MRPL9: variants seen among roughly 807,000 people sequenced by gnomAD.
The protein encoded by MRPL9 is large ribosomal subunit protein bL9m.
Under a neutral mutation model 27.6 loss-of-function variants are expected in MRPL9, and 25 were observed. The observed-to-expected ratio is 0.91, with a 90% CI of 0.66 to 1.27. The LOEUF (loss-of-function observed/expected upper bound fraction) is 1.27. MRPL9 is among the 50% of genes most tolerant of loss of function. MRPL9 has a pLI of 0.00. For missense variants in MRPL9, 362 were observed against 338.0 expected (o/e 1.07, Z -0.56); for synonymous variants, 154 against 139.0 (o/e 1.11, Z -0.76).
Position 151,762,984 on chromosome 1 carries a change from C to A in MRPL9, c.310+6G>T. 1.2e-6 allele frequency: 2 copies of A among 1,613,794 alleles called. No individual in the cohort carries two copies. Among genetic ancestry groups the A allele is most frequent in the Non-Finnish European group, 1.7e-6 (2 of 1,179,792 alleles). On this transcript the variant is annotated splice_donor_region_variant and intron_variant, in intron 2 of 6. Coordinates refer to ENST00000368830, the MANE Select transcript of MRPL9 (RefSeq NM_031420.4). ...CTGAGAGGAAGCGCCTCGGCCCGGGCCTTACTCTCCACCGACTGCGTCAGG... is the reference window on the plus strand; with the variant it reads ...CTGAGAGGAAGCGCCTCGGCCCGGGACTTACTCTCCACCGACTGCGTCAGG...
rs947062489 is a variant in MRPL9, at chr1:151,763,104, C to G, written c.196G>C (p.Gly66Arg). The G allele has an allele frequency of 3.1e-6, 5 of 1,614,046 alleles. No homozygotes were observed. The highest frequency in any genetic ancestry group is 4.2e-6 in the Non-Finnish European group (5 of 1,179,984). Reference protein sequence around the residue: ...VERWWKVPLAGEGRKPRLHRR... With the variant: ...VERWWKVPLAREGRKPRLHRR... ...TGCAGGCGCGGCTTCCGGCCCTCCC[C>G]GGCCAGCGGTACCTTCCACCAGCGC... Residue 66 changes from glycine to arginine, a missense_variant, in exon 2 of 7, where the codon GGG becomes CGG. Gly to Arg is a moderately radical substitution (Grantham distance 125). Transcript: ENST00000368830.
At chr1:151,760,318 C>T in intron 6 of MRPL9, 137 bp from the exon 7 acceptor site, 2 of 1,114,898 alleles carry the variant, frequency 1.8e-6, no homozygotes, top group East Asian at 2.6e-5. Flanking sequence ...TGGCTTATGC[C>T]TGTAATCCCA....
chr1:151,761,075 CG>C (rs1553276998), intron 5 of MRPL9, among the ~76,000 whole-genome samples, 176 bp from the exon 6 acceptor site: 1 of 152,054 alleles, frequency 6.6e-6, no homozygotes, highest in Non-Finnish European at 1.5e-5. Context: ...CCTTCATAGA[CG>C]GTAGTAGAGA....
intron 5 of MRPL9, 76 bp downstream of exon 5, chr1:151,761,375 G>C: frequency 2.0e-6 from 2 of 996,596 alleles, no homozygotes; most frequent in Non-Finnish European, 3.2e-6. Context: ...CCTAACAAAG[G>C]GATCAATCCC....
chr1:151,762,776 A>G (rs1648159413), intron 2 of MRPL9: 1 of 693,992 alleles, frequency 1.4e-6, no homozygotes, highest in South Asian at 1.9e-5. Context: ...CTCCCCACAC[A>G]CTGTTAATGA....
Position 151,760,847 on chromosome 1 carries a change from G to A in MRPL9, c.641C>T (p.Thr214Ile), listed in dbSNP as rs1648030361. The A allele has an allele frequency of 1.9e-6, 3 of 1,584,158 alleles. No homozygotes were observed. Among genetic ancestry groups the A allele is most frequent in the South Asian group, 1.1e-5 (1 of 88,926 alleles). ...CTCACACCAATACTCGCCCCACCGT[G>A]TGATAGGCTCTTCTGGTAACTTTAA... is the stretch of plus-strand genomic sequence containing the variant. The part of the protein sequence containing the change: ...HTLKLPEEPI[T>I]RWGEYWCEVT... The change falls in exon 6 of 7, where the codon ACA (threonine) becomes ATA (isoleucine). Residue 214 changes from threonine to isoleucine, a missense_variant. Thr to Ile is a moderately conservative substitution (Grantham distance 89). Coordinates refer to ENST00000368830, the MANE Select transcript of MRPL9 (RefSeq NM_031420.4).
rs777547766 is a variant in MRPL9, at chr1:151,760,843, C to A, written c.645G>T (p.Arg215=). ...TCACCTCACACCAATACTCGCCCCACCGTGTGATAGGCTCTTCTGGTAACT... is the reference window on the plus strand; with the variant it reads ...TCACCTCACACCAATACTCGCCCCAACGTGTGATAGGCTCTTCTGGTAACT... ...TLKLPEEPIT[R]WGEYWCEVTV... Residue 215 remains arginine, a synonymous_variant, in exon 6 of 7, where the codon CGG becomes CGT. Coordinates refer to ENST00000368830, the MANE Select transcript of MRPL9 (RefSeq NM_031420.4). 3 of 1,593,376 alleles carry A rather than the reference C, an allele frequency of 1.9e-6. No individual in the cohort carries two copies. In the African/African-American group the frequency reaches 4.2e-5, roughly 22 times the overall value.
Position 151,763,105 on chromosome 1 carries a change from G to T in MRPL9, c.195C>A (p.Ala65=). ...GCAGGCGCGGCTTCCGGCCCTCCCCGGCCAGCGGTACCTTCCACCAGCGCT... is the reference window on the plus strand; with the variant it reads ...GCAGGCGCGGCTTCCGGCCCTCCCCTGCCAGCGGTACCTTCCACCAGCGCT... ...IVERWWKVPL[A]GEGRKPRLHR... The change falls in exon 2 of 7, where the codon GCC becomes GCA. Residue 65 remains alanine (A), a synonymous_variant. Coordinates refer to ENST00000368830, the MANE Select transcript of MRPL9 (RefSeq NM_031420.4). 6.2e-7 allele frequency: 1 copy of T among 1,613,798 alleles called. No individual in the cohort carries two copies. The highest frequency in any genetic ancestry group is 8.5e-7 in the Non-Finnish European group (1 of 1,179,918).
chr1:151,763,404 C>G lies in MRPL9; in HGVS notation c.76G>C (p.Val26Leu). The change falls in exon 1 of 7, where the codon GTC becomes CTC. Residue 26 changes from valine (V) to leucine (L), a missense_variant. Transcript: ENST00000368830. ...AGAGRLLRGGVQELLRPRHEG... is the reference protein window; with the variant it reads ...AGAGRLLRGGLQELLRPRHEG... Reference sequence around the variant, plus strand: ...TGTCGCGGCCGCAGTAGCTCCTGGACGCCTCCCCGAAGCAGCCGTCCAGCG... The same window carrying G: ...TGTCGCGGCCGCAGTAGCTCCTGGAGGCCTCCCCGAAGCAGCCGTCCAGCG... 1 of 1,565,448 alleles carries G rather than the reference C, an allele frequency of 6.4e-7. No individual in the cohort carries two copies.
At position 151,759,900 on chromosome 1, in the gene MRPL9, A is replaced by C. The variant is rs1355605703; in HGVS notation, c.*150T>G. 9.7e-7 allele frequency: 1 copy of C among 1,028,966 alleles called. No individual in the cohort carries two copies. Among genetic ancestry groups the C allele is most frequent in the African/African-American group, 1.7e-5 (1 of 60,476 alleles). 63.7% of individuals were successfully genotyped at this position (1,028,966 alleles called of 1,614,324 possible). ...CAGTTAAAGATGGCAAAAATGAAGA[A>C]TTCAACATGTATACGCAGTGCAGTC... is the stretch of plus-strand genomic sequence containing the variant. On this transcript the variant is annotated 3_prime_UTR_variant, in exon 7 of 7. Transcript: ENST00000368830.
intron 1 of MRPL9, 37 bp downstream of exon 1, chr1:151,763,290 G>A: frequency 6.4e-7 from 1 of 1,572,320 alleles, no homozygotes. Flanking sequence ...AACAATACTC[G>A]AGCGTATCTA....
chr1:151,759,888 C>T lies in MRPL9; in HGVS notation c.*162G>A, dbSNP rs1647981859. On this transcript the variant is annotated 3_prime_UTR_variant, in exon 7 of 7. Transcript: ENST00000368830. ...CCCCAGTGATGACAGTTAAAGATGG[C>T]AAAAATGAAGAATTCAACATGTATA... 2 of 943,398 alleles carry T rather than the reference C, an allele frequency of 2.1e-6. No homozygotes were observed. The highest frequency in any genetic ancestry group is 2.1e-5 in the South Asian group (1 of 46,926). The allele number at this position is 943,398 out of a possible 1,614,324, so 58.4% of individuals were successfully genotyped here.
At chr1:151,762,942 T>C (rs377393177) in intron 2 of MRPL9, 48 bp downstream of exon 2, 2 of 1,593,418 alleles carry the variant, frequency 1.3e-6, no homozygotes, top group Non-Finnish European at 1.7e-6. Flanking sequence ...AAAAAGCTGA[T>C]GCCAAACCGG....
chr1:151,761,681 T>G (rs1648091436), intron 4 of MRPL9, 129 bp from the exon 5 acceptor site: 1 of 659,552 alleles, frequency 1.5e-6, no homozygotes, highest in Non-Finnish European at 2.6e-6. Flanking sequence ...TCTCCCAAAG[T>G]GGGTCACTTC....
At position 151,760,878 on chromosome 1, in the gene MRPL9, G is replaced by C; in HGVS notation, c.610C>G (p.His204Asp). The C allele has an allele frequency of 6.5e-7, 1 of 1,542,012 alleles. No individual in the cohort carries two copies. Among genetic ancestry groups the C allele is most frequent in the Non-Finnish European group, 8.8e-7 (1 of 1,140,430 alleles). Residue 204 changes from histidine (H) to aspartate (D), a missense_variant, in exon 6 of 7, where the codon CAT (histidine) becomes GAT (aspartate). His to Asp is a moderately conservative substitution (Grantham distance 81). Coordinates refer to ENST00000368830, the MANE Select transcript of MRPL9 (RefSeq NM_031420.4). Reference sequence around the variant, plus strand: ...GGCTCTTCTGGTAACTTTAATGTATGTGGGGCAACCACAACACCAAGCTGC... The same window carrying C: ...GGCTCTTCTGGTAACTTTAATGTATCTGGGGCAACCACAACACCAAGCTGC... ...FKNLGVVVAP[H>D]TLKLPEEPIT...
intron 4 of MRPL9, 33 bp downstream of exon 4, chr1:151,762,072 T>A: frequency 6.2e-7 from 1 of 1,610,480 alleles, no homozygotes; most frequent in Non-Finnish European, 8.5e-7. Flanking sequence ...GTAAGTCTTG[T>A]GACAAATAAA....
intron 2 of MRPL9, 121 bp downstream of exon 2, chr1:151,762,869 A>G (rs923190694): frequency 2.1e-4 from 259 of 1,206,306 alleles, no homozygotes; most frequent in Admixed American, 3.4e-4. Context: ...CTCTTCTCAC[A>G]TATAGAGTTG....
intron 1 of MRPL9, 67 bp from the exon 2 acceptor site, chr1:151,763,213 G>A (rs747925528): frequency 4.9e-5 from 76 of 1,557,364 alleles, no homozygotes; most frequent in Non-Finnish European, 6.3e-5. Context: ...CACCACGGCC[G>A]CCAGCCCCTC....
chr1:151,761,358 A>T lies in MRPL9; in HGVS notation c.588+93T>A, dbSNP rs535609788. 3.6e-5 allele frequency: 31 copies of T among 866,136 alleles called. No individual in the cohort carries two copies. The East Asian group carries it at 6.0e-4, about 17-fold the overall frequency. The allele number at this position is 866,136 out of a possible 1,614,324, so 53.7% of individuals were successfully genotyped here. ...TCCTTAACTACAACTGGATGATCAC[A>T]CCCCTTCCTAACAAAGGGATCAATC... On this transcript the variant is annotated intron_variant, in intron 5 of 6. Coordinates refer to ENST00000368830, the MANE Select transcript of MRPL9 (RefSeq NM_031420.4).
Sources: allele counts gnomAD v4.1 joint callset (sites outside exome capture counted in the v4.1 genomes callset), GRCh38; gene constraint gnomAD v4.1.1; transcripts MANE v1.5; gene names NCBI Gene and HGNC (gene_info 2026-07-23, HGNC 2026-07-21).